Variants in CNTNAP2 observed in about 807,000 individuals in gnomAD.
The protein encoded by CNTNAP2 is contactin-associated protein-like 2.
A neutral mutation model predicts 155.2 loss-of-function variants in CNTNAP2; 98 were observed. The ratio of observed to expected loss-of-function variants is 0.63; its 90% CI spans 0.54 to 0.75. CNTNAP2 has a LOEUF of 0.75. Among genes scored for constraint, CNTNAP2 ranks in the 30% least tolerant of loss-of-function variants. CNTNAP2 has a pLI of 0.00. For missense variants in CNTNAP2, 1,727 were observed against 1,688.1 expected (o/e 1.02, Z -0.40); for synonymous variants, 651 against 631.2 (o/e 1.03, Z -0.47).
chr7:146,402,880 T>C (rs1795734508), intron 1 of CNTNAP2, among the ~76,000 whole-genome samples: 1 of 152,282 alleles, frequency 6.6e-6, no homozygotes, highest in African/African-American at 2.4e-5. Context: ...AATGCGGCTC[T>C]GGATTGCATA....
intron 1 of CNTNAP2, among the ~76,000 whole-genome samples, chr7:146,331,018 A>C (rs1801175452): frequency 6.6e-6 from 1 of 152,092 alleles, no homozygotes; most frequent in African/African-American, 2.4e-5. Flanking sequence ...ATAACCAACT[A>C]TCATGGCCGG....
At chr7:146,583,060 G>A (rs934651429) in intron 1 of CNTNAP2, among the ~76,000 whole-genome samples, 1 of 151,884 alleles carries the variant, frequency 6.6e-6, no homozygotes, top group Non-Finnish European at 1.5e-5. Flanking sequence ...GCAGAAATGC[G>A]TTATCCCCAT....
chr7:146,618,296 TTGA>T (rs372901928), intron 1 of CNTNAP2, among the ~76,000 whole-genome samples: 150 of 152,348 alleles, frequency 9.8e-4, no homozygotes, highest in African/African-American at 3.3e-3. Context: ...AAAATTATTG[TTGA>T]TTTACATAAG....
chr7:148,339,274 C>T (rs1281024632), intron 21 of CNTNAP2, among the ~76,000 whole-genome samples: 1 of 151,988 alleles, frequency 6.6e-6, no homozygotes, highest in African/African-American at 2.4e-5. Context: ...AAAAAAAGAC[C>T]CACTCTTGTG....
intron 3 of CNTNAP2, among the ~76,000 whole-genome samples, chr7:146,892,443 A>G (rs1015930126): frequency 6.6e-6 from 1 of 152,214 alleles, no homozygotes; most frequent in East Asian, 1.9e-4. Context: ...TTCTCCTCTC[A>G]ATGAGAAGAG....
chr7:146,270,513 C>T (rs1163314503), intron 1 of CNTNAP2, among the ~76,000 whole-genome samples: 1 of 152,000 alleles, frequency 6.6e-6, no homozygotes. Flanking sequence ...TATTCAGTTG[C>T]TTTGATGATA....
At chr7:147,712,068 A>C (rs564167309) in intron 13 of CNTNAP2, among the ~76,000 whole-genome samples, 9 of 152,292 alleles carry the variant, frequency 5.9e-5, no homozygotes, top group Admixed American at 3.3e-4. Flanking sequence ...TCAGGTAGGT[A>C]AGACTCTTCA....
At chr7:146,638,019 C>T (rs1405842011) in intron 1 of CNTNAP2, among the ~76,000 whole-genome samples, 1 of 152,150 alleles carries the variant, frequency 6.6e-6, no homozygotes, top group East Asian at 1.9e-4. Context: ...GTCATATGTG[C>T]ACCTGTTGCA....
chr7:146,851,429 A>G (rs894161963), intron 3 of CNTNAP2, among the ~76,000 whole-genome samples: 1 of 152,086 alleles, frequency 6.6e-6, no homozygotes, highest in Non-Finnish European at 1.5e-5. Context: ...TACCTACTGT[A>G]TTAGTTTGCT....
At chr7:147,357,893 T>C (rs958093761) in intron 9 of CNTNAP2, among the ~76,000 whole-genome samples, 3 of 152,108 alleles carry the variant, frequency 2.0e-5, no homozygotes, top group East Asian at 3.9e-4. Context: ...TTGCCTGCTG[T>C]GTAAATGTTA....
chr7:147,628,135 C>A (rs574861577), intron 12 of CNTNAP2, among the ~76,000 whole-genome samples: 1 of 152,104 alleles, frequency 6.6e-6, no homozygotes, highest in Non-Finnish European at 1.5e-5. Flanking sequence ...TCAAAGAACA[C>A]CTGGGAAATT....
chr7:148,166,093 G>C (rs1278832376), intron 17 of CNTNAP2, among the ~76,000 whole-genome samples: 3 of 151,702 alleles, frequency 2.0e-5, no homozygotes, highest in Admixed American at 2.0e-4. Context: ...TGAAATTGCA[G>C]CCTCCCCCAC....
intron 8 of CNTNAP2, among the ~76,000 whole-genome samples, chr7:147,251,635 A>T (rs1020439743): frequency 6.6e-6 from 1 of 152,160 alleles, no homozygotes; most frequent in Admixed American, 6.5e-5. Context: ...TTATGGAAAG[A>T]CACAAATATT....
intron 11 of CNTNAP2, among the ~76,000 whole-genome samples, chr7:147,516,385 G>T (rs564611888): frequency 6.6e-6 from 1 of 152,066 alleles, no homozygotes; most frequent in Non-Finnish European, 1.5e-5. Context: ...GCTTATTTCC[G>T]TGTTAAAATG....
intron 21 of CNTNAP2, among the ~76,000 whole-genome samples, chr7:148,325,637 A>G (rs1216384298): frequency 2.6e-5 from 4 of 152,164 alleles, no homozygotes; most frequent in Admixed American, 6.5e-5. Context: ...AAACCAATAG[A>G]TTTATTTTTA....
rs1794897995 is a variant in CNTNAP2 at position 146,350,573 on chromosome 7, TG to T, written c.97+233601del. On this transcript the variant is annotated intron_variant, in intron 1 of 23. Transcript: ENST00000361727. ...TGGAGAAATAGGAACACTTTTACAC[TG>T]TTGGTGGGACTGTAAACTAATTCAA... is the stretch of plus-strand genomic sequence containing the variant. 2.6e-5 allele frequency among the ~76,000 whole-genome samples: 4 copies of T among 151,760 alleles called. No individual in the cohort carries two copies. The South Asian group carries it at 8.3e-4, about 31-fold the overall frequency.
intron 1 of CNTNAP2, among the ~76,000 whole-genome samples, chr7:146,308,034 A>G (rs1282366953): frequency 1.3e-5 from 2 of 152,210 alleles, no homozygotes; most frequent in East Asian, 1.9e-4. Context: ...ATCAGAGTGA[A>G]CAGGCAACCT....
At chr7:147,113,414 A>G (rs968571360) in intron 5 of CNTNAP2, among the ~76,000 whole-genome samples, 8 of 152,032 alleles carry the variant, frequency 5.3e-5, no homozygotes, top group South Asian at 4.2e-4. Flanking sequence ...ACACTGGTAT[A>G]AAGAACTGCC....
chr7:146,988,275 A>C (rs933553318), intron 3 of CNTNAP2, among the ~76,000 whole-genome samples: 2 of 152,110 alleles, frequency 1.3e-5, no homozygotes, highest in Admixed American at 1.3e-4. Flanking sequence ...CTTACCAGAG[A>C]AAGAAAATCT....
Sources: allele counts gnomAD v4.1 joint callset (sites outside exome capture counted in the v4.1 genomes callset), GRCh38; gene constraint gnomAD v4.1.1; transcripts MANE v1.5; gene names NCBI Gene and HGNC (gene_info 2026-07-23, HGNC 2026-07-21).